The following ANK2 variants were observed in gnomAD, a reference collection of about 807,000 sequenced individuals.
The protein encoded by ANK2 is ankyrin 2.
Under a neutral mutation model 360.5 loss-of-function variants are expected in ANK2, and 83 were observed. The observed-to-expected ratio is 0.23, with a 90% CI of 0.19 to 0.28. ANK2 has a LOEUF of 0.28. Ranked by LOEUF, ANK2 falls within the 10% of genes least tolerant of loss-of-function variation. The pLI is 1.00. For synonymous variants in ANK2, 1,740 were observed against 1,759.5 expected, an observed-to-expected ratio of 0.99 and a Z score of 0.28; for missense variants, 4,201 against 4,795.7, an observed-to-expected ratio of 0.88 and a Z score of 3.66.
chr4:112,817,398 A>C (rs1334843284), upstream of ANK2, among the ~76,000 whole-genome samples: 1 of 152,140 alleles, frequency 6.6e-6, no homozygotes, highest in African/African-American at 2.4e-5. Context: ...TGATTATTGA[A>C]TGAATGAATG....
intron 2 of ANK2, among the ~76,000 whole-genome samples, chr4:113,191,426 G>T (rs1013312429): frequency 6.6e-6 from 1 of 152,074 alleles, no homozygotes; most frequent in Non-Finnish European, 1.5e-5. Flanking sequence ...ATTGACAAGG[G>T]TGACTACTAA....
chr4:112,727,645 A>G, the ANK2 span, among the ~76,000 whole-genome samples: 2 of 152,316 alleles, frequency 1.3e-5, no homozygotes, highest in African/African-American at 4.8e-5. Context: ...AATCAGAATG[A>G]AAGAGAAGAC....
chr4:113,357,672 T>A lies in ANK2; in HGVS notation c.9054T>A (p.Thr3018=), dbSNP rs1186168630. 1 of 1,614,176 alleles carries A rather than the reference T, an allele frequency of 6.2e-7. No individual in the cohort carries two copies. The highest frequency in any genetic ancestry group is 8.5e-7 in the Non-Finnish European group (1 of 1,179,994). ...GTGTCTCTTCATCTTTCGAGCCTACTATGTCCGCTACAACAACAGTTGTTG... is the reference window on the plus strand; with the variant it reads ...GTGTCTCTTCATCTTTCGAGCCTACAATGTCCGCTACAACAACAGTTGTTG... ...SDSVSSSFEP[T]MSATTTVVGE... The change falls in exon 38 of 46, where the codon ACT becomes ACA. Residue 3018 remains threonine, a synonymous_variant. Coordinates refer to ENST00000357077, the MANE Select transcript of ANK2 (RefSeq NM_001148.6).
chr4:112,966,901 C>T (rs953310787), intron 2 of ANK2, among the ~76,000 whole-genome samples: 13 of 152,158 alleles, frequency 8.5e-5, no homozygotes, highest in African/African-American at 2.2e-4. Context: ...TCAGCTTGAG[C>T]GAGCACTGTC....
intron 1 of ANK2, among the ~76,000 whole-genome samples, chr4:112,843,184 G>T (rs970904103): frequency 6.6e-6 from 1 of 152,208 alleles, no homozygotes; most frequent in African/African-American, 2.4e-5. Context: ...TGACATTTAA[G>T]GGTTCCAGGG....
At position 113,017,311 on chromosome 4, in the gene ANK2, T is replaced by C. The variant is rs541253586; in HGVS notation, c.21+112797T>C. On this transcript the variant is annotated intron_variant, in intron 2 of 30. Coordinates refer to the ANK2 transcript ENST00000503271. ...GTGTAGAAACTCTGATTCGGCCACT[T>C]ATCTATTTTGTGAACATTATGGTTG... Among the ~76,000 whole-genome samples, 342 of 152,144 alleles carry C rather than the reference T, an allele frequency of 2.2e-3. 2 individuals are homozygous for C. Among genetic ancestry groups the C allele is most frequent in the African/African-American group, 7.9e-3 (326 of 41,494 alleles).
intron 1 of ANK2, among the ~76,000 whole-genome samples, chr4:113,159,782 A>ATAT (rs998727401): frequency 6.6e-6 from 1 of 150,856 alleles, no homozygotes; most frequent in African/African-American, 2.4e-5. Context: ...TAATTTTTAT[A>ATAT]TATATATATG....
At chr4:113,266,276 G>A (rs751898846) in intron 14 of ANK2, among the ~76,000 whole-genome samples, 14 of 152,134 alleles carry the variant, frequency 9.2e-5, no homozygotes, top group Non-Finnish European at 1.6e-4. Flanking sequence ...TCCTGCAAAG[G>A]ACATGAACTC....
At chr4:112,746,564 A>G in the ANK2 span, among the ~76,000 whole-genome samples, 4 of 151,868 alleles carry the variant, frequency 2.6e-5, no homozygotes, top group Non-Finnish European at 5.9e-5. Context: ...ACCTCCTCCT[A>G]ACATGCATAA....
intron 26 of ANK2, among the ~76,000 whole-genome samples, chr4:113,328,683 C>T (rs547796912): frequency 3.3e-5 from 5 of 152,152 alleles, no homozygotes; most frequent in Non-Finnish European, 7.3e-5. Context: ...GAAGGTCTAG[C>T]CTGGCCCCTG....
chr4:112,995,983 T>C (rs1338539169), intron 2 of ANK2, among the ~76,000 whole-genome samples: 2 of 152,178 alleles, frequency 1.3e-5, no homozygotes, highest in Non-Finnish European at 2.9e-5. Context: ...TCTTCCAACA[T>C]AGAGAAATAA....
the ANK2 span, among the ~76,000 whole-genome samples, chr4:112,801,866 CAT>C: frequency 2.3e-4 from 35 of 151,782 alleles, no homozygotes; most frequent in Non-Finnish European, 4.7e-4. Flanking sequence ...AAAGGTGTAT[CAT>C]AATGAAATTT....
At chr4:112,856,714 C>T (rs1179494143) in intron 1 of ANK2, among the ~76,000 whole-genome samples, 2 of 152,232 alleles carry the variant, frequency 1.3e-5, no homozygotes, top group East Asian at 3.9e-4. Flanking sequence ...GGTAACAGAG[C>T]GAGACTCCGT....
chr4:113,237,555 T>G, intron 6 of ANK2, 44 bp from the exon 7 acceptor site: 1 of 1,572,152 alleles, frequency 6.4e-7, no homozygotes, highest in East Asian at 2.2e-5. Context: ...TAATTTTGCA[T>G]TGTGTAATAT....
the ANK2 span, among the ~76,000 whole-genome samples, chr4:112,777,492 C>T: frequency 1.3e-5 from 2 of 152,058 alleles, no homozygotes; most frequent in African/African-American, 2.4e-5. Flanking sequence ...CCGCCCGCCT[C>T]GGCCTCCCAA....
the ANK2 span, among the ~76,000 whole-genome samples, chr4:112,763,551 T>G: frequency 0.38 from 51,551 of 136,702 alleles, 9,501 homozygotes; most frequent in East Asian, 0.63. Context: ...TCTTTTCCCC[T>G]AGTCGGAGTC....
chr4:113,082,387 C>A (rs1216769783), intron 1 of ANK2, among the ~76,000 whole-genome samples: 2 of 152,110 alleles, frequency 1.3e-5, no homozygotes, highest in Non-Finnish European at 2.9e-5. Context: ...TATCTTCCTG[C>A]CTCTTCTTCC....
intron 4 of ANK2, among the ~76,000 whole-genome samples, chr4:113,212,891 A>G (rs577840223): frequency 8.5e-5 from 13 of 152,350 alleles, no homozygotes; most frequent in African/African-American, 2.2e-4. Context: ...AATGAAGAAC[A>G]TAACAAAGTC....
chr4:112,810,998 C>T, the ANK2 span, among the ~76,000 whole-genome samples: 2 of 149,816 alleles, frequency 1.3e-5, no homozygotes, highest in Non-Finnish European at 3.0e-5. Flanking sequence ...GGCAGTGGCG[C>T]GATCTCGGCC....
Sources: allele counts gnomAD v4.1 joint callset (sites outside exome capture counted in the v4.1 genomes callset), GRCh38; gene constraint gnomAD v4.1.1; transcripts MANE v1.5; gene names NCBI Gene and HGNC (gene_info 2026-07-23, HGNC 2026-07-21).